Variants in ZNF556 observed in about 807,000 individuals in gnomAD.
ZNF556 encodes the protein zinc finger protein 556.
In ZNF556, 11 loss-of-function variants were observed where a neutral mutation model predicts 13.6. That is an observed-to-expected ratio of 0.81 (90% confidence interval 0.51 to 1.33). The LOEUF (loss-of-function observed/expected upper bound fraction) is 1.33. ZNF556 is among the 40% of genes most tolerant of loss of function. The probability of loss-of-function intolerance (pLI) is 0.00; values close to 1 mark genes in which losing one functional copy is unlikely to be tolerated. For missense variants in ZNF556, 633 were observed against 566.2 expected (o/e 1.12, Z -1.20); for synonymous variants, 229 against 207.8 (o/e 1.10, Z -0.88).
At chr19:2,873,088 G>A (rs193264839) in intron 1 of ZNF556, among the ~76,000 whole-genome samples, 2 of 148,112 alleles carry the variant, frequency 1.4e-5, no homozygotes, top group African/African-American at 2.5e-5. Flanking sequence ...AGCCGAGATC[G>A]CCCTACTGCA....
chr19:2,870,987 C>T (rs530177398), intron 1 of ZNF556, among the ~76,000 whole-genome samples: 48 of 150,802 alleles, frequency 3.2e-4, no homozygotes, highest in African/African-American at 1.0e-3. Flanking sequence ...TGCAGTGAGC[C>T]GAGATCGCAC....
intron 1 of ZNF556, among the ~76,000 whole-genome samples, chr19:2,870,274 C>G (rs150818406): frequency 6.9e-4 from 98 of 141,510 alleles, no homozygotes; most frequent in Middle Eastern, 5.0e-3. Flanking sequence ...TGGTAAAACC[C>G]TGAGTCTACT....
At chr19:2,871,191 C>A (rs1599577850) in intron 1 of ZNF556, among the ~76,000 whole-genome samples, 1 of 151,844 alleles carries the variant, frequency 6.6e-6, no homozygotes. Context: ...ATGACATACA[C>A]ATATATACAG....
chr19:2,867,565 C>T (rs974575564), intron 1 of ZNF556, 141 bp downstream of exon 1: 9 of 1,232,184 alleles, frequency 7.3e-6, no homozygotes, highest in South Asian at 4.1e-5. Flanking sequence ...CCGGGTCCTG[C>T]GGGGAGTTTC....
chr19:2,873,743 T>A, intron 2 of ZNF556, 121 bp downstream of exon 2: 2 of 1,250,188 alleles, frequency 1.6e-6, no homozygotes, highest in Non-Finnish European at 2.2e-6. Context: ...CACTTGAGGC[T>A]AGGAGTTGAC....
At chr19:2,867,937 C>T (rs1448513096) in intron 1 of ZNF556, among the ~76,000 whole-genome samples, 1 of 152,162 alleles carries the variant, frequency 6.6e-6, no homozygotes, top group South Asian at 2.1e-4. Context: ...GGGCCTCTCT[C>T]CTTCTAAAGA....
intron 2 of ZNF556, 100 bp downstream of exon 2, chr19:2,873,722 G>T: frequency 1.4e-6 from 2 of 1,390,758 alleles, no homozygotes; most frequent in Non-Finnish European, 2.0e-6. Context: ...AGGAGGCTAA[G>T]GCAGGAGGAT....
chr19:2,876,419 G>C (rs2087852676), intron 3 of ZNF556, 143 bp downstream of exon 3: 1 of 795,174 alleles, frequency 1.3e-6, no homozygotes, highest in Admixed American at 3.4e-5. Context: ...GTGAAACCTT[G>C]TCTCTACTAA....
rs2087918686 is a variant in ZNF556 at position 2,883,355 on chromosome 19, G to A, written c.*5026G>A. The A allele has an allele frequency of 6.6e-6, 1 of 151,968 alleles. No homozygotes were observed. The highest frequency in any genetic ancestry group is 2.1e-4 in the South Asian group (1 of 4,830). The allele number at this position is 151,968 out of a possible 1,614,324, so 9.4% of individuals were successfully genotyped here. A position where few individuals can be genotyped will look rare whatever the true frequency, so the allele number is the denominator to read the frequency against. The stretch of plus-strand genomic sequence containing the variant: ...CAAAATGTCCATTTGATTTTCATAG[G>A]TATCGTTTCCATATGCTTAGACTTC... On this transcript the variant is annotated 3_prime_UTR_variant, in exon 4 of 4. Transcript: ENST00000307635.
chr19:2,870,322 G>A (rs546906563), intron 1 of ZNF556, among the ~76,000 whole-genome samples: 1 of 152,064 alleles, frequency 6.6e-6, no homozygotes, highest in East Asian at 1.9e-4. Flanking sequence ...GCCAGGCATG[G>A]CGGCACACAC....
intron 1 of ZNF556, among the ~76,000 whole-genome samples, chr19:2,869,997 CCCGCTCCTT>C (rs2087789146): frequency 6.6e-6 from 1 of 152,174 alleles, no homozygotes; most frequent in African/African-American, 2.4e-5. Context: ...AGAGCCAAGA[CCCGCTCCTT>C]CCATAGGGCC....
chr19:2,882,151 GGC>G lies in ZNF556; in HGVS notation c.*3826_*3827del, dbSNP rs2087908576. The G allele has an allele frequency of 6.6e-6, 1 of 152,168 alleles. No individual in the cohort carries two copies. The highest frequency in any genetic ancestry group is 2.1e-4 in the South Asian group (1 of 4,830). 9.4% of individuals were successfully genotyped at this position (152,168 alleles called of 1,614,324 possible). The stretch of plus-strand genomic sequence containing the variant: ...GAAACAATAATTATTTCCCTGGCCG[GGC>G]GCGGTGGCTCACGCCTGTAATCCCA... On this transcript the variant is annotated 3_prime_UTR_variant, in exon 4 of 4. Transcript: ENST00000307635.
rs1390254952 is a variant in ZNF556, at chr19:2,877,324, T to G, written c.366T>G (p.Arg122=). ...GTAAAAGCAGTAAAGGTAATAAACG[T>G]GGAAGAACCTTCAGAAAGACTCGAA... The part of the protein sequence containing the change: ...RPCKSSKGNK[R]GRTFRKTRNC... Residue 122 remains arginine (R), a synonymous_variant, in exon 4 of 4, where the codon CGT becomes CGG. Transcript: ENST00000307635. 1 of 1,613,994 alleles carries G rather than the reference T, an allele frequency of 6.2e-7. No individual in the cohort carries two copies. The highest frequency in any genetic ancestry group is 1.3e-5 in the African/African-American group (1 of 74,914).
chr19:2,871,927 C>T (rs1463414399), intron 1 of ZNF556, among the ~76,000 whole-genome samples: 1 of 152,200 alleles, frequency 6.6e-6, no homozygotes, highest in African/African-American at 2.4e-5. Flanking sequence ...GTCACATGTC[C>T]ACTGGACAGG....
chr19:2,877,817 T>C lies in ZNF556; in HGVS notation c.859T>C (p.Tyr287His). ...HMIMHAGGRP[Y>H]ECKQCGKAYC... ...GATCATGCACGCCGGAGGGAGACCG[T>C]ATGAGTGCAAGCAGTGTGGGAAAGC... is the stretch of plus-strand genomic sequence containing the variant. Residue 287 changes from tyrosine to histidine, a missense_variant, in exon 4 of 4, where the codon TAT (tyrosine) becomes CAT (histidine). Transcript: ENST00000307635. 6.2e-7 allele frequency: 1 copy of C among 1,614,182 alleles called. No individual in the cohort carries two copies. The highest frequency in any genetic ancestry group is 8.5e-7 in the Non-Finnish European group (1 of 1,180,024).
intron 1 of ZNF556, among the ~76,000 whole-genome samples, chr19:2,870,640 G>T (rs566423239): frequency 6.6e-6 from 1 of 151,954 alleles, no homozygotes; most frequent in Non-Finnish European, 1.5e-5. Context: ...CCAGCTACTC[G>T]GGAGGCTGAG....
At position 2,878,528 on chromosome 19, in the gene ZNF556, T is replaced by G; in HGVS notation, c.*199T>G. 4.2e-5 allele frequency: 18 copies of G among 433,158 alleles called. No homozygotes were observed. Among genetic ancestry groups the G allele is most frequent in the East Asian group, 1.0e-4 (2 of 20,026 alleles). 26.8% of individuals were successfully genotyped at this position (433,158 alleles called of 1,614,324 possible). A position where few individuals can be genotyped will look rare whatever the true frequency, so the allele number is the denominator to read the frequency against. On this transcript the variant is annotated 3_prime_UTR_variant, in exon 4 of 4. Coordinates refer to ENST00000307635, the MANE Select transcript of ZNF556 (RefSeq NM_024967.3). ...TAAAAAAAAAAAAAATACAAAAAAT[T>G]AGCCGGGCGTGGTGGCGGGCACCTG... is the stretch of plus-strand genomic sequence containing the variant.
intron 1 of ZNF556, among the ~76,000 whole-genome samples, chr19:2,872,583 C>G (rs182886372): frequency 1.3e-5 from 2 of 152,096 alleles, no homozygotes; most frequent in Non-Finnish European, 2.9e-5. Context: ...AGATCTATAT[C>G]TGGTATAACT....
chr19:2,878,326 G>A lies in ZNF556; in HGVS notation c.1368G>A (p.Lys456=), dbSNP rs1248259414. The part of the protein sequence containing the change: ...SHTGKKSCTS[K] The stretch of plus-strand genomic sequence containing the variant: ...CAGGAAAGAAATCCTGTACATCTAA[G>A]TAATGGGGGAAAACCTGTGCAAATT... The change falls in exon 4 of 4, where the codon AAG becomes AAA. Residue 456 remains lysine, a synonymous_variant. Coordinates refer to ENST00000307635, the MANE Select transcript of ZNF556 (RefSeq NM_024967.3). 1 of 1,612,262 alleles carries A rather than the reference G, an allele frequency of 6.2e-7. No individual in the cohort carries two copies. Among genetic ancestry groups the A allele is most frequent in the South Asian group, 1.1e-5 (1 of 90,880 alleles).
Sources: gnomAD v4.1 joint callset for allele counts (sites outside exome capture counted in the v4.1 genomes callset) on GRCh38, gnomAD v4.1.1 for gene constraint, MANE v1.5 for transcripts, NCBI Gene and HGNC (gene_info 2026-07-23, HGNC 2026-07-21) for gene names.